RAD51B: variants seen among roughly 807,000 people sequenced by gnomAD.
RAD51B encodes the protein RAD51 paralog B.
In RAD51B, 38 loss-of-function variants were observed where a neutral mutation model predicts 42.2. The observed-to-expected ratio is 0.90, with a 90% CI of 0.70 to 1.18. The LOEUF (loss-of-function observed/expected upper bound fraction) is 1.18, where lower values mean the gene tolerates loss of function less well. Among genes scored for constraint, RAD51B ranks in the 50% most tolerant of loss-of-function variants. The pLI, the probability that RAD51B is intolerant of heterozygous loss-of-function variation, is 0.00. For missense variants in RAD51B, 373 were observed against 400.7 expected (o/e 0.93, Z 0.59); for synonymous variants, 154 against 145.2 (o/e 1.06, Z -0.43).
At chr14:68,682,035 C>T (rs534783706) in intron 11 of RAD51B, among the ~76,000 whole-genome samples, 3 of 152,184 alleles carry the variant, frequency 2.0e-5, no homozygotes, top group Non-Finnish European at 4.4e-5. Flanking sequence ...AAAAACCACT[C>T]GTACCCCCAA....
chr14:68,145,367 C>T (rs34227845), intron 7 of RAD51B, among the ~76,000 whole-genome samples: 2,358 of 152,282 alleles, frequency 0.015, 65 homozygotes, highest in African/African-American at 0.051. Context: ...CTGCCACCTA[C>T]GGGCGGGGTA....
chr14:68,004,563 G>A (rs1451112833), intron 7 of RAD51B, among the ~76,000 whole-genome samples: 1 of 152,170 alleles, frequency 6.6e-6, no homozygotes, highest in Admixed American at 6.5e-5. Context: ...ACTTGATGGA[G>A]TTTCTAAGTA....
At chr14:68,467,153 ATAATC>A (rs1242433981) in intron 9 of RAD51B, among the ~76,000 whole-genome samples, 1 of 152,230 alleles carries the variant, frequency 6.6e-6, no homozygotes, top group African/African-American at 2.4e-5. Flanking sequence ...CTATAATAAA[ATAATC>A]TACTAATTAT....
At chr14:68,367,787 G>C (rs1421869439) in intron 8 of RAD51B, among the ~76,000 whole-genome samples, 1 of 152,206 alleles carries the variant, frequency 6.6e-6, no homozygotes, top group African/African-American at 2.4e-5. Flanking sequence ...TCAAGAAGCA[G>C]TTCTGTTGGG....
intron 7 of RAD51B, among the ~76,000 whole-genome samples, chr14:67,967,225 C>A (rs1327161793): frequency 1.3e-5 from 2 of 152,166 alleles, no homozygotes; most frequent in East Asian, 1.9e-4. Flanking sequence ...TCCACCAGGT[C>A]CCTCCCACAA....
At chr14:68,049,639 T>G (rs1184725810) in intron 7 of RAD51B, among the ~76,000 whole-genome samples, 1 of 152,208 alleles carries the variant, frequency 6.6e-6, no homozygotes, top group African/African-American at 2.4e-5. Flanking sequence ...AATTAAGACT[T>G]TGAGATTTTG....
At chr14:68,194,868 G>A (rs918353312) in intron 7 of RAD51B, among the ~76,000 whole-genome samples, 1 of 152,146 alleles carries the variant, frequency 6.6e-6, no homozygotes, top group African/African-American at 2.4e-5. Context: ...TCAGTAAGTG[G>A]CAACTTAGAA....
At chr14:68,466,701 A>G (rs1368967363) in intron 9 of RAD51B, among the ~76,000 whole-genome samples, 49 of 152,216 alleles carry the variant, frequency 3.2e-4, no homozygotes, top group Non-Finnish European at 5.9e-5. Flanking sequence ...CAGAATTTCT[A>G]CCTATCATTT....
intron 11 of RAD51B, among the ~76,000 whole-genome samples, chr14:68,659,224 G>T (rs555974559): frequency 6.6e-6 from 1 of 152,206 alleles, no homozygotes; most frequent in Non-Finnish European, 1.5e-5. Flanking sequence ...GCCTGGGGAC[G>T]TGAGGCCCTG....
At chr14:68,061,885 T>G (rs1044689314) in intron 7 of RAD51B, among the ~76,000 whole-genome samples, 1 of 152,226 alleles carries the variant, frequency 6.6e-6, no homozygotes, top group Non-Finnish European at 1.5e-5. Flanking sequence ...GGATGCCTTT[T>G]ATTTCTTTCT....
At chr14:68,378,901 G>A (rs924898808) in intron 8 of RAD51B, among the ~76,000 whole-genome samples, 10 of 152,178 alleles carry the variant, frequency 6.6e-5, no homozygotes, top group African/African-American at 2.4e-4. Context: ...AATGATGTAG[G>A]TAGCATGATC....
intron 10 of RAD51B, chr14:68,540,574 G>C (rs779970321): frequency 3.0e-6 from 3 of 985,274 alleles, no homozygotes; most frequent in Admixed American, 6.1e-5. Context: ...ACTGGGCTTA[G>C]CGTGGTTCTA....
At position 68,413,835 on chromosome 14, in the gene RAD51B, C is replaced by A. The variant is rs1413598768; in HGVS notation, c.957+2308C>A. ...ACCAAGTAGTACTTTCTTATAACAC[C>A]ATTTAGTAGCAGAACGTGCCTAGAT... is the stretch of plus-strand genomic sequence containing the variant. On this transcript the variant is annotated intron_variant, in intron 9 of 10. Transcript: ENST00000471583. Among the ~76,000 whole-genome samples the A allele has an allele frequency of 2.0e-5, 3 of 152,134 alleles. No individual in the cohort carries two copies. In the East Asian group the frequency reaches 5.8e-4, roughly 29 times the overall value.
intron 11 of RAD51B, among the ~76,000 whole-genome samples, chr14:68,673,466 T>C (rs752588365): frequency 1.4e-4 from 21 of 151,790 alleles, no homozygotes; most frequent in South Asian, 2.1e-4. Context: ...TATGCACACA[T>C]ATATACATGT....
intron 7 of RAD51B, among the ~76,000 whole-genome samples, chr14:67,893,449 C>CT: frequency 7.0e-6 from 1 of 143,380 alleles, no homozygotes. Context: ...ACCTCATCTT[C>CT]TCACACACAC....
intron 7 of RAD51B, among the ~76,000 whole-genome samples, chr14:68,059,354 C>A (rs1430655083): frequency 6.6e-6 from 1 of 152,090 alleles, no homozygotes; most frequent in Non-Finnish European, 1.5e-5. Flanking sequence ...TATTTCTTAC[C>A]CACGCCTAGA....
chr14:68,154,611 G>T (rs960404643), intron 7 of RAD51B, among the ~76,000 whole-genome samples: 2 of 151,798 alleles, frequency 1.3e-5, no homozygotes, highest in Non-Finnish European at 2.9e-5. Context: ...GGAGCCTGTT[G>T]GATTCCACCT....
At chr14:68,677,289 C>G (rs1893327568) in intron 11 of RAD51B, among the ~76,000 whole-genome samples, 1 of 152,128 alleles carries the variant, frequency 6.6e-6, no homozygotes, top group Admixed American at 6.5e-5. Flanking sequence ...ATTCATTTGC[C>G]CAGTGATGGA....
At chr14:68,091,820 T>C (rs1288229628) in intron 7 of RAD51B, among the ~76,000 whole-genome samples, 1 of 152,314 alleles carries the variant, frequency 6.6e-6, no homozygotes, top group South Asian at 2.1e-4. Flanking sequence ...TCTAGGGTTT[T>C]TATGGTTTTA....
Sources: allele counts gnomAD v4.1 joint callset (sites outside exome capture counted in the v4.1 genomes callset), GRCh38; gene constraint gnomAD v4.1.1; transcripts MANE v1.5; gene names NCBI Gene and HGNC (gene_info 2026-07-23, HGNC 2026-07-21).